The following WDPCP variants were observed in gnomAD, a reference collection of about 807,000 sequenced individuals.
WDPCP encodes WD repeat containing planar cell polarity effector.
In WDPCP, 71 loss-of-function variants were observed where a neutral mutation model predicts 93.1. The ratio of observed to expected loss-of-function variants is 0.76; its 90% CI spans 0.63 to 0.93. The LOEUF is 0.93. Among genes scored for constraint, WDPCP ranks in the 40% least tolerant of loss-of-function variants. WDPCP has a pLI of 0.00. For missense variants in WDPCP, 844 were observed against 887.4 expected, an observed-to-expected ratio of 0.95 and a Z score of 0.62; for synonymous variants, 315 against 315.0, an observed-to-expected ratio of 1.00 and a Z score of 0.00.
intron 14 of WDPCP, among the ~76,000 whole-genome samples, chr2:63,208,587 A>G (rs1676517777): frequency 6.6e-6 from 1 of 152,202 alleles, no homozygotes; most frequent in South Asian, 2.1e-4. Context: ...AGACCATCCC[A>G]GCACCTCCAT....
chr2:63,407,260 T>G (rs1010637758), intron 9 of WDPCP, among the ~76,000 whole-genome samples: 1 of 151,890 alleles, frequency 6.6e-6, no homozygotes, highest in African/African-American at 2.4e-5. Context: ...TGAGGTGGAA[T>G]CTCTATTGGC....
At chr2:63,477,088 T>C (rs1301388471) in intron 6 of WDPCP, among the ~76,000 whole-genome samples, 1 of 152,188 alleles carries the variant, frequency 6.6e-6, no homozygotes, top group African/African-American at 2.4e-5. Flanking sequence ...AATGAACATA[T>C]ATGAAGTTAC....
chr2:63,514,450 A>G (rs149423224), intron 1 of WDPCP, among the ~76,000 whole-genome samples: 20 of 152,234 alleles, frequency 1.3e-4, no homozygotes, highest in Non-Finnish European at 1.9e-4. Flanking sequence ...TGCACCATTG[A>G]TACAGCTAAT....
chr2:63,252,366 C>G (rs570248252), intron 14 of WDPCP, among the ~76,000 whole-genome samples: 14 of 152,166 alleles, frequency 9.2e-5, no homozygotes, highest in Non-Finnish European at 1.9e-4. Context: ...CCCTTAAGAA[C>G]AGGAATAAGA....
At chr2:63,649,911 A>C (rs1167169516) in intron 3 of WDPCP, among the ~76,000 whole-genome samples, 5 of 152,196 alleles carry the variant, frequency 3.3e-5, no homozygotes, top group Admixed American at 1.3e-4. Flanking sequence ...AAAGCAACAG[A>C]TACAGTATTT....
upstream of WDPCP, chr2:63,589,267 G>T: frequency 6.4e-7 from 1 of 1,551,512 alleles, no homozygotes; most frequent in Non-Finnish European, 8.7e-7. Flanking sequence ...GGAGGACTCT[G>T]GAGAAGTAGT....
chr2:63,690,344 A>C (rs1384808018), intron 2 of WDPCP, among the ~76,000 whole-genome samples: 1 of 152,236 alleles, frequency 6.6e-6, no homozygotes. Flanking sequence ...TAAGTGATTT[A>C]TGTAGAGCTA....
intron 14 of WDPCP, among the ~76,000 whole-genome samples, chr2:63,187,844 T>A (rs1326882016): frequency 6.6e-6 from 1 of 152,238 alleles, no homozygotes; most frequent in African/African-American, 2.4e-5. Flanking sequence ...GTGCCTACCA[T>A]CCTTTGTTTA....
chr2:63,700,482 A>T (rs1195940907), intron 2 of WDPCP, among the ~76,000 whole-genome samples: 1 of 152,104 alleles, frequency 6.6e-6, no homozygotes, highest in Non-Finnish European at 1.5e-5. Flanking sequence ...AATCAATTAC[A>T]GATGGATAAC....
At chr2:63,132,498 C>A (rs1415960329) in intron 17 of WDPCP, among the ~76,000 whole-genome samples, 1 of 149,900 alleles carries the variant, frequency 6.7e-6, no homozygotes, top group Non-Finnish European at 1.5e-5. Flanking sequence ...TTGATAGTGT[C>A]TCTTAAGCTC....
chr2:63,195,094 C>T (rs1675326419), intron 14 of WDPCP, among the ~76,000 whole-genome samples: 1 of 152,006 alleles, frequency 6.6e-6, no homozygotes, highest in Non-Finnish European at 1.5e-5. Context: ...TTAATCTTTA[C>T]ATTTCAGAAA....
intron 2 of WDPCP, among the ~76,000 whole-genome samples, chr2:63,703,135 G>T (rs1262319931): frequency 1.3e-5 from 2 of 152,040 alleles, no homozygotes; most frequent in Non-Finnish European, 2.9e-5. Flanking sequence ...TGGACATTTG[G>T]GTTGGTTCCA....
intron 2 of WDPCP, among the ~76,000 whole-genome samples, chr2:63,729,782 TC>T (rs1414015347): frequency 1.3e-5 from 2 of 152,178 alleles, no homozygotes. Context: ...TAGTTATGTT[TC>T]CTATGCTGCT....
At chr2:63,306,113 T>A (rs925728432) in intron 13 of WDPCP, among the ~76,000 whole-genome samples, 4 of 152,154 alleles carry the variant, frequency 2.6e-5, no homozygotes, top group African/African-American at 9.7e-5. Context: ...TATAAACACC[T>A]CTCTGCAAAT....
chr2:63,593,711 T>C (rs1435993654), upstream of WDPCP: 3 of 471,160 alleles, frequency 6.4e-6, no homozygotes, highest in South Asian at 1.5e-5. Flanking sequence ...AATTTTTCTG[T>C]CTAACTAAAC....
At chr2:63,621,549 T>C (rs1709738164) in intron 3 of WDPCP, among the ~76,000 whole-genome samples, 1 of 152,166 alleles carries the variant, frequency 6.6e-6, no homozygotes, top group Non-Finnish European at 1.5e-5. Flanking sequence ...TTACGTTTGA[T>C]TGGTGTACCT....
chr2:63,819,246 A>T lies in WDPCP; in HGVS notation n.223-5539T>A, dbSNP rs906586354. 2.6e-5 allele frequency among the ~76,000 whole-genome samples: 4 copies of T among 152,194 alleles called. No individual in the cohort carries two copies. In the South Asian group the frequency reaches 8.3e-4, roughly 31 times the overall value. ...CTAAGCCTCAATTTTTATCAGGGGA[A>T]CTAACAGGGCTGTTATTAGGATTAA... On this transcript the variant is annotated intron_variant and non_coding_transcript_variant, in intron 1 of 4. Transcript: ENST00000467687.
At position 63,271,283 on chromosome 2, in the gene WDPCP, C is replaced by T. The variant is rs570419774; in HGVS notation, c.1813-11874G>A. Among the ~76,000 whole-genome samples the T allele has an allele frequency of 3.3e-5, 5 of 152,342 alleles. No homozygotes were observed. The South Asian group carries it at 8.3e-4, about 25-fold the overall frequency. ...TGCACTTGCACATACCTTTGAGGAGCCCAGAGACCAGCCAACCTGGGCACC... is the reference window on the plus strand; with the variant it reads ...TGCACTTGCACATACCTTTGAGGAGTCCAGAGACCAGCCAACCTGGGCACC... On this transcript the variant is annotated intron_variant, in intron 13 of 17. Transcript: ENST00000272321.
chr2:63,224,875 G>GTAAAT (rs1375061360), intron 14 of WDPCP, among the ~76,000 whole-genome samples: 3 of 151,830 alleles, frequency 2.0e-5, no homozygotes, highest in African/African-American at 7.2e-5. Context: ...AAACACTAAT[G>GTAAAT]TAAATTAAAT....
Sources: gnomAD v4.1 joint callset for allele counts (sites outside exome capture counted in the v4.1 genomes callset) on GRCh38, gnomAD v4.1.1 for gene constraint, MANE v1.5 for transcripts, NCBI Gene and HGNC (gene_info 2026-07-23, HGNC 2026-07-21) for gene names.